The following DOCK4 variants were observed in gnomAD, a reference collection of about 807,000 sequenced individuals.
DOCK4 encodes the protein dedicator of cytokinesis 4, also known as dedicator of cytokinesis protein 4.
Under a neutral mutation model 268.1 loss-of-function variants are expected in DOCK4, and 97 were observed. That is an observed-to-expected ratio of 0.36 (90% CI 0.31 to 0.43). The LOEUF is 0.43. DOCK4 is among the 20% of genes least tolerant of loss of function. The pLI is 1.00. For missense variants in DOCK4, 2,145 were observed against 2,455.7 expected (o/e 0.87, Z 2.67); for synonymous variants, 954 against 887.2 (o/e 1.08, Z -1.34).
intron 1 of DOCK4, 21 bp downstream of exon 1, chr7:112,206,081 G>A: frequency 6.4e-7 from 1 of 1,571,018 alleles, no homozygotes; most frequent in Non-Finnish European, 8.6e-7. Context: ...CAGAATAAAA[G>A]TTCGCCCCGC....
At chr7:111,978,235 GTTA>G (rs1029813426) in intron 7 of DOCK4, among the ~76,000 whole-genome samples, 2 of 152,110 alleles carry the variant, frequency 1.3e-5, no homozygotes, top group African/African-American at 4.8e-5. Flanking sequence ...CCAGATTACT[GTTA>G]TTATTATTTT....
chr7:112,007,163 A>G (rs1800927349), intron 1 of DOCK4, among the ~76,000 whole-genome samples: 1 of 152,154 alleles, frequency 6.6e-6, no homozygotes, highest in African/African-American at 2.4e-5. Flanking sequence ...TGTTCTCAGG[A>G]CACTCCGACC....
intron 23 of DOCK4, among the ~76,000 whole-genome samples, chr7:111,849,805 G>A (rs1288611965): frequency 6.6e-6 from 1 of 152,152 alleles, no homozygotes; most frequent in Admixed American, 6.5e-5. Flanking sequence ...CTCTGAAGAT[G>A]AAGGGTGCAA....
chr7:112,107,584 A>G (rs543943752), intron 1 of DOCK4, among the ~76,000 whole-genome samples: 50 of 152,320 alleles, frequency 3.3e-4, no homozygotes, highest in African/African-American at 1.2e-3. Flanking sequence ...TGTTATGGCA[A>G]TTCCAGCAGA....
intron 1 of DOCK4, among the ~76,000 whole-genome samples, chr7:112,025,429 C>G (rs1179551320): frequency 2.6e-5 from 4 of 152,112 alleles, no homozygotes; most frequent in African/African-American, 9.7e-5. Flanking sequence ...GCAGTGAGAC[C>G]TATGAGACTT....
intron 42 of DOCK4, among the ~76,000 whole-genome samples, chr7:111,752,903 T>A (rs1411494345): frequency 6.7e-6 from 1 of 149,580 alleles, no homozygotes; most frequent in African/African-American, 2.4e-5. Flanking sequence ...GCTAATTTTT[T>A]AATCAGGACA....
intron 25 of DOCK4, among the ~76,000 whole-genome samples, chr7:111,836,100 T>C (rs1803219180): frequency 1.3e-5 from 2 of 152,088 alleles, no homozygotes; most frequent in African/African-American, 4.8e-5. Flanking sequence ...TTTTTGTATA[T>C]GTGTGTAAGG....
chr7:112,126,877 G>T lies in DOCK4; in HGVS notation c.37+79225C>A, dbSNP rs1202052742. ...ACAATGAGATACCATCTCACACCAG[G>T]TAGAATGGCAATCATTAAAAAGTCA... On this transcript the variant is annotated intron_variant, in intron 1 of 52. Transcript: ENST00000428084. Among the ~76,000 whole-genome samples the T allele has an allele frequency of 2.5e-3, 383 of 152,030 alleles. 2 individuals carry two copies. Among genetic ancestry groups the T allele is most frequent in the African/African-American group, 8.5e-3 (353 of 41,440 alleles).
chr7:112,182,368 T>TA (rs973297365), intron 1 of DOCK4, among the ~76,000 whole-genome samples: 5 of 152,332 alleles, frequency 3.3e-5, no homozygotes, highest in African/African-American at 1.2e-4. Context: ...TAATATTTTT[T>TA]AAAAAAGCAA....
At position 112,011,757 on chromosome 7, in the gene DOCK4, C is replaced by CA. The variant is rs869096541; in HGVS notation, c.38-7627dup. On this transcript the variant is annotated intron_variant, in intron 1 of 52. Coordinates refer to ENST00000428084, the MANE Select transcript of DOCK4 (RefSeq NM_001363540.2). ...GAAGAACTGAAGGTCAAAAAAAAAA[C>CA]AAAAAAAAAACCTTTAAGTTTAAGC... Among the ~76,000 whole-genome samples the CA allele has an allele frequency of 4.0e-4, 54 of 135,132 alleles. 1 individual carries two copies. In the Middle Eastern group the frequency reaches 0.011, roughly 28 times the overall value. 88.7% of individuals were successfully genotyped at this position (135,132 alleles called of 152,430 possible).
intron 30 of DOCK4, among the ~76,000 whole-genome samples, chr7:111,802,128 C>T (rs1427693081): frequency 6.6e-6 from 1 of 152,162 alleles, no homozygotes; most frequent in Non-Finnish European, 1.5e-5. Flanking sequence ...GCAATTCCTT[C>T]CCTCAGTTAT....
At chr7:112,168,117 G>T (rs1190186954) in intron 1 of DOCK4, among the ~76,000 whole-genome samples, 1 of 151,770 alleles carries the variant, frequency 6.6e-6, no homozygotes, top group African/African-American at 2.4e-5. Flanking sequence ...AATAAAGGCT[G>T]CCTGGTACTT....
intron 42 of DOCK4, among the ~76,000 whole-genome samples, chr7:111,752,036 C>G (rs987940056): frequency 1.3e-5 from 2 of 152,114 alleles, no homozygotes; most frequent in African/African-American, 4.8e-5. Context: ...ATTTTATGAT[C>G]AAGTAATTAT....
At chr7:111,812,314 C>G (rs558187331) in intron 27 of DOCK4, among the ~76,000 whole-genome samples, 2 of 152,332 alleles carry the variant, frequency 1.3e-5, no homozygotes, top group South Asian at 4.1e-4. Context: ...GGGTCTTGCT[C>G]TGTTGTCCAG....
chr7:112,067,763 C>T (rs1415822172), intron 1 of DOCK4, among the ~76,000 whole-genome samples: 1 of 152,128 alleles, frequency 6.6e-6, no homozygotes, highest in Non-Finnish European at 1.5e-5. Context: ...ACAAAACACA[C>T]CTTCAAAGGC....
chr7:111,900,487 G>C lies in DOCK4; in HGVS notation c.1367C>G (p.Ser456Cys), dbSNP rs1791045933. The C allele has an allele frequency of 5.0e-6, 8 of 1,612,838 alleles. No individual in the cohort carries two copies. Among genetic ancestry groups the C allele is most frequent in the Non-Finnish European group, 6.8e-6 (8 of 1,179,550 alleles). Residue 456 changes from serine (S) to cysteine (C), a missense_variant, in exon 15 of 53, where the codon TCC (serine) becomes TGC (cysteine). Physicochemically the swap from Ser to Cys is moderately radical, Grantham distance 112. Around this residue, in one of 2 missense-constraint regions of DOCK4, gnomAD observed 1,598 missense variants for 1,986.7 expected, o/e 0.80. Coordinates refer to ENST00000428084, the MANE Select transcript of DOCK4 (RefSeq NM_001363540.2). ...ACTGTTGTTATGGTAAAGCACAAAG[G>C]AGTGGTACTCACTGGCTGGTGGCTC... is the stretch of plus-strand genomic sequence containing the variant. Reference protein sequence around the residue: ...SGEPPASEYHSFVLYHNNSPR... With the variant: ...SGEPPASEYHCFVLYHNNSPR...
intron 12 of DOCK4, among the ~76,000 whole-genome samples, chr7:111,926,820 G>A (rs528301819): frequency 1.1e-3 from 155 of 147,252 alleles, no homozygotes; most frequent in Middle Eastern, 7.4e-3. Flanking sequence ...GCGACAGCGT[G>A]AGGCAAAGAA....
At position 112,102,013 on chromosome 7, in the gene DOCK4, T is replaced by C. The variant is rs565661464; in HGVS notation, c.38-97882A>G. Reference sequence around the variant, plus strand: ...ACCCGCCACCACGCCCAGCTAATTTTAGTAGAGATGGGGTTTCACCATGTT... The same window carrying C: ...ACCCGCCACCACGCCCAGCTAATTTCAGTAGAGATGGGGTTTCACCATGTT... On this transcript the variant is annotated intron_variant, in intron 1 of 52. Coordinates refer to ENST00000428084, the MANE Select transcript of DOCK4 (RefSeq NM_001363540.2). Among the ~76,000 whole-genome samples the C allele has an allele frequency of 2.3e-4, 35 of 152,264 alleles. No individual in the cohort carries two copies. The South Asian group carries it at 3.1e-3, about 14-fold the overall frequency.
rs1797139722 is a variant in DOCK4, at chr7:111,757,912, GT to G, written c.4329+711del. On this transcript the variant is annotated intron_variant, in intron 41 of 52. Coordinates refer to ENST00000428084, the MANE Select transcript of DOCK4 (RefSeq NM_001363540.2). ...CTGGGGGGGGTGTCACTATGTCATTGTTTGCAAAGAAAGGGGCAGACTCTAC... is the reference window on the plus strand; with the variant it reads ...CTGGGGGGGGTGTCACTATGTCATTGTTGCAAAGAAAGGGGCAGACTCTAC... 2.6e-5 allele frequency among the ~76,000 whole-genome samples: 4 copies of G among 152,094 alleles called. No individual in the cohort carries two copies. The South Asian group carries it at 8.3e-4, about 32-fold the overall frequency.
Sources: allele counts gnomAD v4.1 joint callset (sites outside exome capture counted in the v4.1 genomes callset), GRCh38; gene constraint gnomAD v4.1.1; regional missense constraint gnomAD v4.1.1; transcripts MANE v1.5; gene names NCBI Gene and HGNC (gene_info 2026-07-23, HGNC 2026-07-21).